MLIP: variants seen among roughly 807,000 people sequenced by gnomAD.
The protein encoded by MLIP is muscular LMNA interacting protein, also known as muscular LMNA-interacting protein.
A neutral mutation model predicts 84.8 loss-of-function variants in MLIP; 79 were observed. The ratio of observed to expected loss-of-function variants is 0.93; its 90% confidence interval spans 0.78 to 1.12. MLIP has a LOEUF of 1.12. Among genes scored for constraint, MLIP ranks in the 50% most tolerant of loss-of-function variants. MLIP has a pLI of 0.00. For missense variants in MLIP, 1,257 were observed against 1,160.6 expected, an observed-to-expected ratio of 1.08 and a Z score of -1.21; for synonymous variants, 504 against 463.0, an observed-to-expected ratio of 1.09 and a Z score of -1.14.
intron 11 of MLIP, among the ~76,000 whole-genome samples, chr6:54,225,363 G>T (rs114813586): frequency 0.013 from 1,919 of 152,220 alleles, 29 homozygotes; most frequent in African/African-American, 0.042. Flanking sequence ...TCACACAGTG[G>T]TAAGTATTTG....
chr6:54,229,452 T>C (rs551650644), intron 11 of MLIP, among the ~76,000 whole-genome samples: 1 of 152,318 alleles, frequency 6.6e-6, no homozygotes, highest in East Asian at 1.9e-4. Context: ...GTTTGCTGCA[T>C]GGGTCAGCAC....
At chr6:54,132,314 GA>G (rs1187515520) in intron 3 of MLIP, among the ~76,000 whole-genome samples, 1 of 152,054 alleles carries the variant, frequency 6.6e-6, no homozygotes, top group Non-Finnish European at 1.5e-5. Flanking sequence ...AGGGAGCTAG[GA>G]AAAAATTAAA....
chr6:54,184,122 A>G (rs556361346), intron 9 of MLIP, among the ~76,000 whole-genome samples: 2 of 152,244 alleles, frequency 1.3e-5, no homozygotes, highest in East Asian at 1.9e-4. Context: ...TTAGCTGTAC[A>G]TCAGTCTTGA....
chr6:54,139,581 T>C lies in MLIP; in HGVS notation c.2217+1295T>C, dbSNP rs181599348. Among the ~76,000 whole-genome samples the C allele has an allele frequency of 4.8e-3, 733 of 152,262 alleles. 5 individuals carry two copies. The highest frequency in any genetic ancestry group is 5.5e-3 in the Non-Finnish European group (372 of 67,998). ...AATGCTTTCTGTGAGTCAGGAACTA[T>C]GCTAGTATACAAAATAGTTGAAAAA... On this transcript the variant is annotated intron_variant, in intron 4 of 13. Transcript: ENST00000502396.
At chr6:54,258,509 T>A (rs538567946) in intron 13 of MLIP, among the ~76,000 whole-genome samples, 4 of 152,022 alleles carry the variant, frequency 2.6e-5, no homozygotes, top group Non-Finnish European at 5.9e-5. Context: ...GGATTATTGG[T>A]TTTATGATTA....
intron 1 of MLIP, among the ~76,000 whole-genome samples, chr6:54,055,396 A>C (rs1344533323): frequency 1.3e-5 from 2 of 152,334 alleles, no homozygotes; most frequent in East Asian, 3.9e-4. Context: ...TAGAAATTTT[A>C]CATGCTAGTA....
chr6:54,019,326 A>G (rs1458436174), intron 1 of MLIP, among the ~76,000 whole-genome samples: 1 of 152,162 alleles, frequency 6.6e-6, no homozygotes, highest in Non-Finnish European at 1.5e-5. Flanking sequence ...GATGTGGTTT[A>G]TCGTCATTTT....
At chr6:54,249,947 C>G (rs762127043) in intron 12 of MLIP, among the ~76,000 whole-genome samples, 2 of 151,934 alleles carry the variant, frequency 1.3e-5, no homozygotes, top group Non-Finnish European at 2.9e-5. Context: ...TCTTCATCCT[C>G]CCACCCTCCA....
At chr6:54,192,552 C>T (rs538480476) in intron 10 of MLIP, among the ~76,000 whole-genome samples, 3 of 151,826 alleles carry the variant, frequency 2.0e-5, no homozygotes, top group Admixed American at 1.3e-4. Flanking sequence ...TTTGCCATCA[C>T]GAACTCTTTA....
chr6:54,057,611 G>A (rs1765735667), intron 1 of MLIP, among the ~76,000 whole-genome samples: 1 of 152,156 alleles, frequency 6.6e-6, no homozygotes, highest in Non-Finnish European at 1.5e-5. Flanking sequence ...CAACATCCAT[G>A]ACAAATACTA....
At chr6:54,215,970 G>T in intron 11 of MLIP, 1 of 187,712 alleles carries the variant, frequency 5.3e-6, no homozygotes, top group Non-Finnish European at 9.9e-6. Context: ...TAATATATTT[G>T]GAATTCATTC....
At chr6:54,046,175 C>T (rs1765039377) in intron 1 of MLIP, 1 of 151,952 alleles carries the variant, frequency 6.6e-6, no homozygotes, top group African/African-American at 2.4e-5. Context: ...CCCCAAGAGT[C>T]CATTAAAATA....
intron 1 of MLIP, among the ~76,000 whole-genome samples, chr6:54,087,630 C>T (rs1440428833): frequency 6.6e-6 from 1 of 152,082 alleles, no homozygotes; most frequent in Non-Finnish European, 1.5e-5. Context: ...GGCCACTGCC[C>T]TCACATGTGT....
intron 1 of MLIP, chr6:54,099,555 G>A (rs559499302): frequency 3.9e-5 from 6 of 152,112 alleles, no homozygotes; most frequent in Non-Finnish European, 8.8e-5. Flanking sequence ...CAGCATATTG[G>A]AATCTAAGGC....
intron 9 of MLIP, among the ~76,000 whole-genome samples, chr6:54,183,511 T>C (rs1254003933): frequency 6.6e-6 from 1 of 152,108 alleles, no homozygotes; most frequent in African/African-American, 2.4e-5. Flanking sequence ...AAACTTCTGC[T>C]TGATCTGATC....
intron 4 of MLIP, among the ~76,000 whole-genome samples, chr6:54,143,500 T>C (rs1421614863): frequency 6.6e-6 from 1 of 152,086 alleles, no homozygotes; most frequent in African/African-American, 2.4e-5. Context: ...ACCACCACAC[T>C]GGCCAGGATT....
chr6:54,048,559 G>A (rs1257415647), intron 1 of MLIP, among the ~76,000 whole-genome samples: 1 of 152,112 alleles, frequency 6.6e-6, no homozygotes, highest in Non-Finnish European at 1.5e-5. Context: ...TACTCTATTC[G>A]AAAGATGTTT....
At chr6:54,118,675 C>A (rs1171174427) in intron 1 of MLIP, among the ~76,000 whole-genome samples, 2 of 151,922 alleles carry the variant, frequency 1.3e-5, no homozygotes, top group Non-Finnish European at 2.9e-5. Flanking sequence ...AGGATTTTAG[C>A]AAACTAAAAA....
At chr6:54,258,399 A>T (rs1226571903) in intron 13 of MLIP, among the ~76,000 whole-genome samples, 1 of 152,108 alleles carries the variant, frequency 6.6e-6, no homozygotes, top group Non-Finnish European at 1.5e-5. Flanking sequence ...TTTTTGCTGT[A>T]ACATTAGTCA....
Sources: gnomAD v4.1 joint callset for allele counts (sites outside exome capture counted in the v4.1 genomes callset) on GRCh38, gnomAD v4.1.1 for gene constraint, MANE v1.5 for transcripts, NCBI Gene and HGNC (gene_info 2026-07-23, HGNC 2026-07-21) for gene names.